The following CDH12 variants were observed in gnomAD, a reference collection of about 807,000 sequenced individuals.
CDH12 encodes the protein cadherin 12, also known as cadherin-12.
In CDH12, 41 loss-of-function variants were observed where a neutral mutation model predicts 74.1. The observed-to-expected ratio is 0.55, with a 90% CI of 0.43 to 0.72. CDH12 has a LOEUF of 0.72. Ranked by LOEUF, CDH12 falls within the 30% of genes least tolerant of loss-of-function variation. CDH12 has a pLI of 0.00. For synonymous variants in CDH12, 399 were observed against 355.0 expected (o/e 1.12, Z -1.39); for missense variants, 945 against 977.2 (o/e 0.97, Z 0.44).
chr5:22,446,580 T>C (rs961704697), intron 2 of CDH12, among the ~76,000 whole-genome samples: 1 of 152,096 alleles, frequency 6.6e-6, no homozygotes, highest in South Asian at 2.1e-4. Flanking sequence ...AGTCAAGATC[T>C]TTTTTGATGC....
chr5:22,021,801 G>C (rs918791952), intron 5 of CDH12, among the ~76,000 whole-genome samples: 4 of 152,148 alleles, frequency 2.6e-5, no homozygotes, highest in African/African-American at 7.2e-5. Flanking sequence ...TCTGTTATTA[G>C]AGCAAGGAGT....
chr5:22,802,475 G>T (rs1748583996), intron 1 of CDH12, among the ~76,000 whole-genome samples: 1 of 152,056 alleles, frequency 6.6e-6, no homozygotes, highest in African/African-American at 2.4e-5. Flanking sequence ...TTGCTTTATA[G>T]TAATAAATAA....
chr5:21,775,078 G>C (rs894772893), intron 11 of CDH12, among the ~76,000 whole-genome samples: 5 of 152,170 alleles, frequency 3.3e-5, no homozygotes, highest in South Asian at 2.1e-4. Context: ...TCTGATGCAG[G>C]TGGCTGTGAT....
At chr5:22,207,315 A>C (rs1751277691) in intron 4 of CDH12, among the ~76,000 whole-genome samples, 2 of 152,206 alleles carry the variant, frequency 1.3e-5, no homozygotes, top group South Asian at 2.1e-4. Flanking sequence ...TTCTCTTCTA[A>C]ATAAGCAGTC....
chr5:22,473,838 G>A (rs1244577253), intron 2 of CDH12, among the ~76,000 whole-genome samples: 1 of 152,124 alleles, frequency 6.6e-6, no homozygotes, highest in East Asian at 1.9e-4. Flanking sequence ...ACATTTCTCA[G>A]TGTCAACCTG....
rs185479237 is a variant in CDH12, at chr5:22,662,993, A to C, written c.-522-157629T>G. ...GATCCCTCTCCCATTAATAAATAAC[A>C]TGGAGTTTATAATAATATTAACTAT... is the stretch of plus-strand genomic sequence containing the variant. On this transcript the variant is annotated intron_variant, in intron 1 of 14. Transcript: ENST00000382254. Among the ~76,000 whole-genome samples, 459 of 152,320 alleles carry C rather than the reference A, an allele frequency of 3.0e-3. 4 individuals are homozygous for C. Among genetic ancestry groups the C allele is most frequent in the African/African-American group, 0.01 (429 of 41,574 alleles).
intron 1 of CDH12, among the ~76,000 whole-genome samples, chr5:22,740,499 C>T (rs755142015): frequency 4.1e-4 from 62 of 151,688 alleles, no homozygotes; most frequent in African/African-American, 4.6e-4. Context: ...ACTATATCTA[C>T]GGTAATGATT....
chr5:22,094,192 G>A (rs1217030293), intron 4 of CDH12, among the ~76,000 whole-genome samples: 1 of 152,108 alleles, frequency 6.6e-6, no homozygotes, highest in Non-Finnish European at 1.5e-5. Flanking sequence ...AAACATTCCA[G>A]GAAGCAGTGA....
intron 4 of CDH12, among the ~76,000 whole-genome samples, chr5:22,085,846 G>T (rs1013898284): frequency 6.6e-6 from 1 of 152,000 alleles, no homozygotes; most frequent in African/African-American, 2.4e-5. Flanking sequence ...GCTTCCTATT[G>T]TATGAAATGC....
In CDH12 at chr5:22,017,953, T is replaced by C. The variant is rs145010677; in HGVS notation, c.232-42568A>G. ...TTTGTACTTTTAGTAGAGACAAGAT[T>C]TCTTCATGTTGGCCAGGCTGGTCTC... On this transcript the variant is annotated intron_variant, in intron 5 of 14. Transcript: ENST00000382254. Among the ~76,000 whole-genome samples, 603 of 152,122 alleles carry C rather than the reference T, an allele frequency of 4.0e-3. 11 individuals are homozygous for C. Among genetic ancestry groups the C allele is most frequent in the African/African-American group, 0.014 (568 of 41,448 alleles).
chr5:22,824,165 GA>G (rs1208260403), intron 1 of CDH12, among the ~76,000 whole-genome samples: 1 of 152,074 alleles, frequency 6.6e-6, no homozygotes, highest in Admixed American at 6.6e-5. Flanking sequence ...TTCATGTAGA[GA>G]AAATGGTCAA....
chr5:22,835,867 G>A (rs1736795414), intron 1 of CDH12, among the ~76,000 whole-genome samples: 1 of 152,146 alleles, frequency 6.6e-6, no homozygotes, highest in Admixed American at 6.6e-5. Flanking sequence ...ACAATAAAGA[G>A]CCAGCAATTA....
chr5:21,890,205 T>C (rs918175776), intron 6 of CDH12, among the ~76,000 whole-genome samples: 5 of 152,140 alleles, frequency 3.3e-5, no homozygotes, highest in African/African-American at 4.8e-5. Flanking sequence ...ACTTTAATTG[T>C]TAAGATTTAT....
Position 21,929,008 on chromosome 5 carries a change from C to T in CDH12, c.526+46083G>A, listed in dbSNP as rs181888190. Among the ~76,000 whole-genome samples, 12 of 152,126 alleles carry T rather than the reference C, an allele frequency of 7.9e-5. No individual in the cohort carries two copies. The East Asian group carries it at 2.1e-3, about 27-fold the overall frequency. ...CATACAAGACCACCCAGAATTCACC[C>T]TTCCTGCACAGATTTTTGGCATGGA... is the stretch of plus-strand genomic sequence containing the variant. On this transcript the variant is annotated intron_variant, in intron 6 of 14. Coordinates refer to ENST00000382254, the MANE Select transcript of CDH12 (RefSeq NM_004061.5).
At chr5:21,895,068 A>C (rs997493244) in intron 6 of CDH12, among the ~76,000 whole-genome samples, 43 of 150,778 alleles carry the variant, frequency 2.9e-4, no homozygotes, top group Admixed American at 8.6e-4. Flanking sequence ...TTAGCCTGCT[A>C]TACTGTTCCT....
intron 1 of CDH12, among the ~76,000 whole-genome samples, chr5:22,621,580 T>C (rs977428893): frequency 1.3e-5 from 2 of 152,192 alleles, no homozygotes; most frequent in South Asian, 4.1e-4. Flanking sequence ...AGCTCAACAA[T>C]GGTAAATATT....
At chr5:21,940,892 T>C (rs1755300076) in intron 6 of CDH12, among the ~76,000 whole-genome samples, 1 of 152,010 alleles carries the variant, frequency 6.6e-6, no homozygotes, top group African/African-American at 2.4e-5. Context: ...ACAATTACTT[T>C]GGAAAAAAAT....
intron 2 of CDH12, among the ~76,000 whole-genome samples, chr5:22,468,129 G>A (rs1389951040): frequency 6.6e-6 from 1 of 152,188 alleles, no homozygotes; most frequent in African/African-American, 2.4e-5. Flanking sequence ...ATCTCCCAGG[G>A]AGAAGAGTCT....
chr5:22,001,829 CAT>C (rs1336120310), intron 5 of CDH12, among the ~76,000 whole-genome samples: 3 of 151,730 alleles, frequency 2.0e-5, no homozygotes, highest in Admixed American at 6.6e-5. Flanking sequence ...AAGAAAGCCA[CAT>C]GTTTGATTGA....
Sources: allele counts gnomAD v4.1 joint callset (sites outside exome capture counted in the v4.1 genomes callset), GRCh38; gene constraint gnomAD v4.1.1; transcripts MANE v1.5; gene names NCBI Gene and HGNC (gene_info 2026-07-23, HGNC 2026-07-21).